CNTN5: variants seen among roughly 807,000 people sequenced by gnomAD.
CNTN5 encodes the protein contactin-5.
CNTN5 carries 77 observed loss-of-function variants against 129.1 expected under a neutral mutation model. The observed-to-expected ratio is 0.60, with a 90% CI of 0.50 to 0.72. The LOEUF (loss-of-function observed/expected upper bound fraction) is 0.72. CNTN5 is among the 30% of genes least tolerant of loss of function. The pLI is 0.00. For synonymous variants in CNTN5, 509 were observed against 465.6 expected (o/e 1.09, Z -1.20); for missense variants, 1,478 against 1,328.8 (o/e 1.11, Z -1.75).
chr11:99,219,915 A>C (rs1565413261), intron 1 of CNTN5, among the ~76,000 whole-genome samples: 1 of 151,966 alleles, frequency 6.6e-6, no homozygotes, highest in Non-Finnish European at 1.5e-5. Context: ...CTTCTTCTGC[A>C]GGCTTCTGTA....
intron 10 of CNTN5, among the ~76,000 whole-genome samples, chr11:100,067,039 G>A (rs1464166902): frequency 6.6e-6 from 1 of 151,306 alleles, no homozygotes. Flanking sequence ...AATGTTTTTT[G>A]CCTCGGACCA....
intron 3 of CNTN5, among the ~76,000 whole-genome samples, chr11:99,614,399 T>G (rs1353613822): frequency 1.3e-5 from 2 of 152,180 alleles, no homozygotes; most frequent in Non-Finnish European, 2.9e-5. Context: ...CTTTTTTCAT[T>G]GCACCACGAG....
At chr11:99,508,345 T>C (rs1946701995) in intron 2 of CNTN5, among the ~76,000 whole-genome samples, 1 of 152,214 alleles carries the variant, frequency 6.6e-6, no homozygotes, top group African/African-American at 2.4e-5. Flanking sequence ...TAAAATATTT[T>C]ATAATTTTAA....
At chr11:99,752,675 T>G (rs1160616550) in intron 3 of CNTN5, among the ~76,000 whole-genome samples, 1 of 152,212 alleles carries the variant, frequency 6.6e-6, no homozygotes, top group Non-Finnish European at 1.5e-5. Context: ...TCTACATAAA[T>G]AAAGGGCTTC....
intron 1 of CNTN5, among the ~76,000 whole-genome samples, chr11:99,076,886 C>T (rs961559029): frequency 2.6e-5 from 4 of 152,086 alleles, no homozygotes; most frequent in African/African-American, 9.7e-5. Flanking sequence ...AAAATTACAG[C>T]TCATTGTGTA....
intron 1 of CNTN5, among the ~76,000 whole-genome samples, chr11:99,251,495 C>T (rs1484777606): frequency 6.6e-6 from 1 of 150,888 alleles, no homozygotes; most frequent in Admixed American, 6.6e-5. Context: ...TAATGTGTAA[C>T]CCAATACTCA....
intron 15 of CNTN5, among the ~76,000 whole-genome samples, chr11:100,213,965 A>G (rs939956676): frequency 6.6e-6 from 1 of 152,174 alleles, no homozygotes; most frequent in Non-Finnish European, 1.5e-5. Context: ...AAGAATACTC[A>G]GTATTTGGTC....
At chr11:100,096,421 G>T (rs571825672) in intron 13 of CNTN5, among the ~76,000 whole-genome samples, 5 of 152,086 alleles carry the variant, frequency 3.3e-5, no homozygotes, top group African/African-American at 1.2e-4. Flanking sequence ...CCCGTATTCT[G>T]GGATAGTCCG....
chr11:100,307,329 T>C (rs1041191964), intron 20 of CNTN5, among the ~76,000 whole-genome samples: 2 of 151,726 alleles, frequency 1.3e-5, no homozygotes, highest in African/African-American at 4.8e-5. Flanking sequence ...AGAATTTTAA[T>C]AGACTTTGTA....
chr11:99,726,013 A>G (rs1169361787), intron 3 of CNTN5, among the ~76,000 whole-genome samples: 4 of 151,894 alleles, frequency 2.6e-5, no homozygotes, highest in African/African-American at 4.8e-5. Flanking sequence ...TTATTTGGCT[A>G]TTCTGAAGTA....
At chr11:99,606,403 C>A (rs1193338050) in intron 3 of CNTN5, among the ~76,000 whole-genome samples, 1 of 139,800 alleles carries the variant, frequency 7.2e-6, no homozygotes, top group Non-Finnish European at 1.6e-5. Flanking sequence ...ATGTGAAGGA[C>A]CTCTTCAAGG....
chr11:99,133,533 T>C (rs1434945910), intron 1 of CNTN5, among the ~76,000 whole-genome samples: 3 of 142,832 alleles, frequency 2.1e-5, no homozygotes, highest in African/African-American at 7.9e-5. Flanking sequence ...ATCCAGAATC[T>C]ACAAGGAACT....
chr11:99,332,736 A>G (rs1297411301), intron 2 of CNTN5, among the ~76,000 whole-genome samples: 1 of 152,048 alleles, frequency 6.6e-6, no homozygotes, highest in Non-Finnish European at 1.5e-5. Flanking sequence ...AGATGTCAAA[A>G]TTAGGAAGCA....
chr11:100,319,432 C>T (rs968400151), intron 21 of CNTN5, among the ~76,000 whole-genome samples: 2 of 152,168 alleles, frequency 1.3e-5, no homozygotes, highest in Non-Finnish European at 2.9e-5. Context: ...GGATTACAGG[C>T]ATGAGCCACT....
intron 3 of CNTN5, among the ~76,000 whole-genome samples, chr11:99,698,914 T>TAA (rs34792632): frequency 2.8e-5 from 4 of 143,390 alleles, no homozygotes; most frequent in South Asian, 2.2e-4. Context: ...CACAAAAACA[T>TAA]AAAAAAAAAA....
chr11:100,341,538 T>A (rs2155012), intron 23 of CNTN5, among the ~76,000 whole-genome samples: 1 of 151,988 alleles, frequency 6.6e-6, no homozygotes, highest in African/African-American at 2.4e-5. Flanking sequence ...CTAACTTTGC[T>A]GGCAGCTGAC....
chr11:99,169,411 T>G (rs1489553734), intron 1 of CNTN5, among the ~76,000 whole-genome samples: 1 of 150,056 alleles, frequency 6.7e-6, no homozygotes, highest in Non-Finnish European at 1.5e-5. Flanking sequence ...ATAGATAATT[T>G]TCCACATATG....
At chr11:99,215,137 G>A (rs568571748) in intron 1 of CNTN5, among the ~76,000 whole-genome samples, 1 of 152,238 alleles carries the variant, frequency 6.6e-6, no homozygotes, top group African/African-American at 2.4e-5. Flanking sequence ...CTTGAGAATG[G>A]AAATTAAACT....
At chr11:99,681,562 T>G (rs905479218) in intron 3 of CNTN5, among the ~76,000 whole-genome samples, 3 of 152,074 alleles carry the variant, frequency 2.0e-5, no homozygotes, top group South Asian at 2.1e-4. Flanking sequence ...GTATTTACAT[T>G]TTTTAGATGA....
Sources: allele counts gnomAD v4.1 joint callset (sites outside exome capture counted in the v4.1 genomes callset), GRCh38; gene constraint gnomAD v4.1.1; transcripts MANE v1.5; gene names NCBI Gene and HGNC (gene_info 2026-07-23, HGNC 2026-07-21).